The following ERC1 variants were observed in gnomAD, a reference collection of about 807,000 sequenced individuals.
The protein encoded by ERC1 is ELKS/RAB6-interacting/CAST family member 1, also known as RAB6 interacting protein 2.
Under a neutral mutation model 132.0 loss-of-function variants are expected in ERC1, and 56 were observed. The ratio of observed to expected loss-of-function variants is 0.42; its 90% CI spans 0.34 to 0.53. The LOEUF is 0.53. Ranked by LOEUF, ERC1 falls within the 20% of genes least tolerant of loss-of-function variation. The pLI is 0.03. For missense variants in ERC1, 1,202 were observed against 1,349.9 expected, an observed-to-expected ratio of 0.89 and a Z score of 1.72; for synonymous variants, 478 against 476.1, an observed-to-expected ratio of 1.00 and a Z score of -0.05.
At chr12:1,463,329 A>G (rs2093678264) in intron 18 of ERC1, among the ~76,000 whole-genome samples, 1 of 152,180 alleles carries the variant, frequency 6.6e-6, no homozygotes, top group African/African-American at 2.4e-5. Context: ...ACGCGCCTGC[A>G]CAGATGGGTG....
intron 12 of ERC1, among the ~76,000 whole-genome samples, chr12:1,206,662 A>G: frequency 6.6e-6 from 1 of 152,120 alleles, no homozygotes; most frequent in Non-Finnish European, 1.5e-5. Context: ...TATTCCATGT[A>G]TAGATGAAAA....
chr12:1,255,525 G>C (rs2076741291), intron 13 of ERC1, among the ~76,000 whole-genome samples: 1 of 147,922 alleles, frequency 6.8e-6, no homozygotes, highest in Admixed American at 6.8e-5. Context: ...TCACCACACT[G>C]TCTTCCACAA....
At chr12:1,170,022 A>G (rs983767838) in intron 8 of ERC1, among the ~76,000 whole-genome samples, 2 of 152,224 alleles carry the variant, frequency 1.3e-5, no homozygotes, top group Non-Finnish European at 2.9e-5. Context: ...TTTTGGCATT[A>G]TCATTAAAAT....
At chr12:1,403,512 C>G (rs1591809494) in intron 16 of ERC1, among the ~76,000 whole-genome samples, 1 of 152,190 alleles carries the variant, frequency 6.6e-6, no homozygotes, top group Non-Finnish European at 1.5e-5. Context: ...AGGGAACAGA[C>G]TTCACACCAA....
intron 18 of ERC1, among the ~76,000 whole-genome samples, chr12:1,455,623 T>G (rs1271997447): frequency 2.0e-5 from 3 of 152,210 alleles, no homozygotes; most frequent in African/African-American, 4.8e-5. Flanking sequence ...GCACTGACAT[T>G]AGCTCACGTA....
At chr12:1,140,114 A>G (rs1196723041) in intron 7 of ERC1, among the ~76,000 whole-genome samples, 1 of 152,092 alleles carries the variant, frequency 6.6e-6, no homozygotes, top group Non-Finnish European at 1.5e-5. Context: ...AGTTGGTAGA[A>G]ATGTAGTTTA....
At chr12:1,051,772 G>A (rs1044236276) in intron 2 of ERC1, among the ~76,000 whole-genome samples, 4 of 151,868 alleles carry the variant, frequency 2.6e-5, no homozygotes, top group African/African-American at 9.7e-5. Context: ...GTGGGCAGGG[G>A]GAGAGGAAAA....
At chr12:1,093,963 AT>A (rs1943634687) in intron 3 of ERC1, among the ~76,000 whole-genome samples, 1 of 120,720 alleles carries the variant, frequency 8.3e-6, no homozygotes, top group African/African-American at 2.9e-5. Flanking sequence ...TTTTCTATAT[AT>A]ATATATATAT....
At chr12:1,018,282 A>T (rs566460415) in intron 1 of ERC1, among the ~76,000 whole-genome samples, 16 of 152,252 alleles carry the variant, frequency 1.1e-4, no homozygotes, top group Admixed American at 9.2e-4. Flanking sequence ...GCTCACTGCA[A>T]CTTCCACCTC....
intron 8 of ERC1, among the ~76,000 whole-genome samples, chr12:1,160,189 T>C (rs1951759293): frequency 6.6e-6 from 1 of 152,196 alleles, no homozygotes; most frequent in Admixed American, 6.5e-5. Context: ...TCATGCCTTC[T>C]ACCCATTTAT....
At chr12:1,029,292 C>T (rs79663242) in intron 2 of ERC1, among the ~76,000 whole-genome samples, 6,687 of 152,120 alleles carry the variant, frequency 0.044, 323 homozygotes, top group East Asian at 0.23. Flanking sequence ...GCGGAGGTTG[C>T]AGTGAGCTGA....
At chr12:1,421,974 C>T (rs1468650767) in intron 17 of ERC1, among the ~76,000 whole-genome samples, 2 of 152,150 alleles carry the variant, frequency 1.3e-5, no homozygotes, top group Non-Finnish European at 2.9e-5. Flanking sequence ...TGTAGTAAGC[C>T]GAGATCATGC....
chr12:1,133,976 C>T (rs1465297596), intron 7 of ERC1, among the ~76,000 whole-genome samples: 1 of 152,168 alleles, frequency 6.6e-6, no homozygotes, highest in Non-Finnish European at 1.5e-5. Flanking sequence ...TGTTTTTCTG[C>T]TTCTTTGCTT....
chr12:1,043,730 G>A (rs1970645101), intron 2 of ERC1, among the ~76,000 whole-genome samples: 1 of 152,188 alleles, frequency 6.6e-6, no homozygotes, highest in Non-Finnish European at 1.5e-5. Context: ...AAGTGCATTA[G>A]CATTGTTTGA....
intron 11 of ERC1, 60 bp from the exon 12 acceptor site, chr12:1,189,799 C>A: frequency 1.5e-6 from 2 of 1,291,194 alleles, no homozygotes; most frequent in Non-Finnish European, 2.1e-6. Flanking sequence ...TTGTTTGGGA[C>A]ATGGTTTGCC....
chr12:1,079,028 G>T (rs35982422), intron 2 of ERC1, among the ~76,000 whole-genome samples: 3 of 146,152 alleles, frequency 2.1e-5, no homozygotes, highest in African/African-American at 2.6e-5. Flanking sequence ...CAGAGATACA[G>T]ATAGAAATGA....
intron 16 of ERC1, among the ~76,000 whole-genome samples, chr12:1,390,055 G>T (rs181282118): frequency 2.6e-5 from 4 of 152,164 alleles, no homozygotes; most frequent in Non-Finnish European, 5.9e-5. Flanking sequence ...TAGCGGGGCT[G>T]TGTGTGTCTG....
At position 1,405,441 on chromosome 12, in the gene ERC1, C is replaced by A. The variant is rs561127238; in HGVS notation, c.2926-2708C>A. ...TCAGGGGACCAGGCACAGTTGCTCACGCCTGTAATCCCAGCACTTTGGGAG... is the reference window on the plus strand; with the variant it reads ...TCAGGGGACCAGGCACAGTTGCTCAAGCCTGTAATCCCAGCACTTTGGGAG... On this transcript the variant is annotated intron_variant, in intron 16 of 18. Coordinates refer to ENST00000360905, the MANE Select transcript of ERC1 (RefSeq NM_178040.4). Among the ~76,000 whole-genome samples, 3 of 151,736 alleles carry A rather than the reference C, an allele frequency of 2.0e-5. No individual in the cohort carries two copies. In the South Asian group the frequency reaches 6.2e-4, roughly 32 times the overall value.
intron 12 of ERC1, among the ~76,000 whole-genome samples, chr12:1,201,673 T>C (rs576442599): frequency 6.6e-6 from 1 of 152,342 alleles, no homozygotes; most frequent in Admixed American, 6.5e-5. Flanking sequence ...CCTAGGTATT[T>C]AGTCTTTATT....
Sources: gnomAD v4.1 joint callset for allele counts (sites outside exome capture counted in the v4.1 genomes callset) on GRCh38, gnomAD v4.1.1 for gene constraint, MANE v1.5 for transcripts, NCBI Gene and HGNC (gene_info 2026-07-23, HGNC 2026-07-21) for gene names.